Variants in ENTREP2 observed in about 807,000 individuals in gnomAD.
ENTREP2 encodes the protein protein ENTREP2.
the ENTREP2 span, among the ~76,000 whole-genome samples, chr15:29,580,094 A>T: frequency 2.6e-5 from 4 of 151,958 alleles, no homozygotes; most frequent in African/African-American, 9.6e-5. Flanking sequence ...CAGTCGGCCC[A>T]TCTCAGCCTC....
At chr15:29,603,331 C>A in the ENTREP2 span, among the ~76,000 whole-genome samples, 11 of 152,180 alleles carry the variant, frequency 7.2e-5, no homozygotes, top group Admixed American at 5.9e-4. Flanking sequence ...CTTGTTAGAA[C>A]ACGAATTCTC....
chr15:29,490,093 A>G, the ENTREP2 span, among the ~76,000 whole-genome samples: 1 of 152,198 alleles, frequency 6.6e-6, no homozygotes, highest in Non-Finnish European at 1.5e-5. Flanking sequence ...ACATTTCTGT[A>G]TGTGCGGAAT....
At chr15:29,338,963 T>G in the ENTREP2 span, among the ~76,000 whole-genome samples, 1 of 152,156 alleles carries the variant, frequency 6.6e-6, no homozygotes, top group Non-Finnish European at 1.5e-5. Context: ...CCAGGCCCAG[T>G]CCTCTACATC....
chr15:29,417,014 T>C, the ENTREP2 span, among the ~76,000 whole-genome samples: 1 of 152,170 alleles, frequency 6.6e-6, no homozygotes, highest in Non-Finnish European at 1.5e-5. Context: ...GGAGAGGGTG[T>C]GGAGAAATAG....
chr15:29,450,977 G>T, the ENTREP2 span, among the ~76,000 whole-genome samples: 1 of 151,004 alleles, frequency 6.6e-6, no homozygotes, highest in African/African-American at 2.4e-5. Flanking sequence ...AGGAGAGAGA[G>T]ATTCAGGAAA....
chr15:29,648,926 C>T, the ENTREP2 span, among the ~76,000 whole-genome samples: 4 of 149,864 alleles, frequency 2.7e-5, no homozygotes, highest in East Asian at 3.9e-4. Context: ...GCAACAAGAG[C>T]GAAAACTCTA....
the ENTREP2 span, among the ~76,000 whole-genome samples, chr15:29,328,816 C>T: frequency 2.6e-4 from 39 of 152,068 alleles, no homozygotes; most frequent in Non-Finnish European, 5.3e-4. Context: ...TCATGTTTAG[C>T]TTAATAGACT....
the ENTREP2 span, chr15:29,234,159 T>C: frequency 6.3e-7 from 1 of 1,586,048 alleles, no homozygotes; most frequent in African/African-American, 1.4e-5. Context: ...TCTCGTTCAC[T>C]CTCAGGCCTT....
the ENTREP2 span, among the ~76,000 whole-genome samples, chr15:29,351,669 G>T: frequency 3.4e-3 from 517 of 152,138 alleles, 5 homozygotes; most frequent in African/African-American, 0.012. Flanking sequence ...TTGAGACAGG[G>T]TCTCACTCTG....
chr15:29,502,913 T>C, the ENTREP2 span, among the ~76,000 whole-genome samples: 2 of 151,744 alleles, frequency 1.3e-5, no homozygotes, highest in South Asian at 2.1e-4. Flanking sequence ...ACCAATTTCA[T>C]ACCCACTAGG....
At chr15:29,123,469 AAAAACTTGGCCACC>A in the ENTREP2 span, 1 of 1,551,560 alleles carries the variant, frequency 6.4e-7, no homozygotes, top group Admixed American at 2.0e-5. Flanking sequence ...TGAGTGTTCC[AAAAACTTGGCCACC>A]AAAACCCTGG....
the ENTREP2 span, among the ~76,000 whole-genome samples, chr15:29,625,134 C>T: frequency 1.3e-5 from 2 of 151,996 alleles, no homozygotes; most frequent in Non-Finnish European, 2.9e-5. Flanking sequence ...TTAAAAAAAC[C>T]ATTTCAAATT....
the ENTREP2 span, chr15:29,268,553 A>T: frequency 4.5e-6 from 2 of 447,352 alleles, no homozygotes; most frequent in Non-Finnish European, 7.7e-6. Flanking sequence ...AGCTAGCAAA[A>T]TTTTTTATAC....
the ENTREP2 span, among the ~76,000 whole-genome samples, chr15:29,658,781 A>T: frequency 6.6e-6 from 1 of 152,236 alleles, no homozygotes; most frequent in South Asian, 2.1e-4. Flanking sequence ...ATTATAAAGG[A>T]CTATAAAAAA....
the ENTREP2 span, among the ~76,000 whole-genome samples, chr15:29,167,678 C>T: frequency 6.6e-6 from 1 of 152,166 alleles, no homozygotes; most frequent in Admixed American, 6.5e-5. Flanking sequence ...TAGATGTTGA[C>T]ATGGATGTGG....
the ENTREP2 span, among the ~76,000 whole-genome samples, chr15:29,208,204 A>C: frequency 7.9e-6 from 1 of 126,350 alleles, no homozygotes; most frequent in African/African-American, 3.0e-5. Context: ...TACTCAACAC[A>C]CTGTTCTGGG....
the ENTREP2 span, among the ~76,000 whole-genome samples, chr15:29,143,410 C>T: frequency 4.6e-5 from 7 of 152,286 alleles, no homozygotes; most frequent in South Asian, 2.1e-4. Flanking sequence ...GGCTGAGACC[C>T]GCACAGTGGA....
chr15:29,515,643 G>C, the ENTREP2 span, among the ~76,000 whole-genome samples: 3 of 152,334 alleles, frequency 2.0e-5, no homozygotes, highest in South Asian at 4.1e-4. Context: ...CTGTAATCCA[G>C]CGAGTCCTGT....
the ENTREP2 span, among the ~76,000 whole-genome samples, chr15:29,230,770 G>A: frequency 6.6e-6 from 1 of 152,136 alleles, no homozygotes; most frequent in South Asian, 2.1e-4. Flanking sequence ...TGAAGGATGG[G>A]ATAGTGGCCT....
Sources: allele counts gnomAD v4.1 joint callset (sites outside exome capture counted in the v4.1 genomes callset), GRCh38; gene constraint gnomAD v4.1.1; transcripts MANE v1.5; gene names NCBI Gene and HGNC (gene_info 2026-07-23, HGNC 2026-07-21).